The following PDE4D variants were observed in gnomAD, a reference collection of about 807,000 sequenced individuals.
The protein encoded by PDE4D is phosphodiesterase 4D.
In PDE4D, 24 loss-of-function variants were observed where a neutral mutation model predicts 87.4. The ratio of observed to expected loss-of-function variants is 0.27; its 90% CI spans 0.20 to 0.39. The LOEUF (loss-of-function observed/expected upper bound fraction) is 0.39, where lower values mean the gene tolerates loss of function less well. PDE4D is among the 10% of genes least tolerant of loss of function. The probability of loss-of-function intolerance (pLI) is 1.00; values close to 1 mark genes in which losing one functional copy is unlikely to be tolerated. For missense variants in PDE4D, 714 were observed against 1,041.0 expected, an observed-to-expected ratio of 0.69 and a Z score of 4.32; for synonymous variants, 384 against 383.2, an observed-to-expected ratio of 1.00 and a Z score of -0.02.
rs34296140 is a variant in PDE4D, at chr5:59,423,815, C to CTT, written c.456-207849_456-207848dup. ...AGATCATGATGGCTGGGAATGTAACCTTTTTTTTTTTTTTTGGTAGCCACT... is the reference window on the plus strand; with the variant it reads ...AGATCATGATGGCTGGGAATGTAACCTTTTTTTTTTTTTTTTTGGTAGCCACT... On this transcript the variant is annotated intron_variant, in intron 1 of 14. Transcript: ENST00000340635. Among the ~76,000 whole-genome samples, 88 of 142,408 alleles carry CTT rather than the reference C, an allele frequency of 6.2e-4. 1 individual carries two copies. Among genetic ancestry groups the CTT allele is most frequent in the East Asian group, 1.8e-3 (9 of 4,898 alleles). 93.4% of individuals were successfully genotyped at this position (142,408 alleles called of 152,430 possible).
At chr5:59,222,284 T>A (rs1264574988) in intron 1 of PDE4D, among the ~76,000 whole-genome samples, 1 of 152,196 alleles carries the variant, frequency 6.6e-6, no homozygotes, top group African/African-American at 2.4e-5. Context: ...TCATTTCTCA[T>A]CTTTTTGGCC....
At chr5:59,070,725 C>T (rs1265613634) in intron 5 of PDE4D, among the ~76,000 whole-genome samples, 2 of 152,022 alleles carry the variant, frequency 1.3e-5, no homozygotes, top group Non-Finnish European at 2.9e-5. Flanking sequence ...TCTTTGTTCC[C>T]TTAGATGTCC....
At chr5:60,447,704 C>T (rs1745756485) in intron 1 of PDE4D, among the ~76,000 whole-genome samples, 1 of 152,034 alleles carries the variant, frequency 6.6e-6, no homozygotes, top group South Asian at 2.1e-4. Flanking sequence ...AAATATTTGC[C>T]ACTCTGTTTT....
intron 1 of PDE4D, among the ~76,000 whole-genome samples, chr5:59,455,613 C>T (rs571679823): frequency 4.6e-5 from 7 of 152,322 alleles, no homozygotes; most frequent in African/African-American, 1.7e-4. Flanking sequence ...AGGGCACTGT[C>T]TAGTGGAGCT....
At chr5:60,297,445 T>C (rs4640751) in intron 1 of PDE4D, among the ~76,000 whole-genome samples, 12,643 of 152,176 alleles carry the variant, frequency 0.083, 1,741 homozygotes, top group African/African-American at 0.29. Context: ...ACTCTGAAAT[T>C]TAAAGGGTTT....
intron 1 of PDE4D, among the ~76,000 whole-genome samples, chr5:59,781,570 G>C (rs1764626944): frequency 6.6e-6 from 1 of 151,776 alleles, no homozygotes; most frequent in Non-Finnish European, 1.5e-5. Context: ...GGTGGATTAC[G>C]AGGTCAGGAA....
At chr5:60,341,730 A>G (rs1758336540) in intron 1 of PDE4D, among the ~76,000 whole-genome samples, 1 of 152,146 alleles carries the variant, frequency 6.6e-6, no homozygotes, top group Admixed American at 6.6e-5. Flanking sequence ...GGCACCATCC[A>G]AGGCCAAAAT....
chr5:60,029,779 G>A, intron 2 of PDE4D, among the ~76,000 whole-genome samples: 1 of 152,168 alleles, frequency 6.6e-6, no homozygotes, highest in South Asian at 2.1e-4. Context: ...GCAGACTGAA[G>A]GTGATTGTTG....
intron 1 of PDE4D, among the ~76,000 whole-genome samples, chr5:60,354,819 T>C (rs1389166087): frequency 6.6e-6 from 1 of 152,166 alleles, no homozygotes; most frequent in East Asian, 1.9e-4. Flanking sequence ...TTTCATTCTG[T>C]TGGACACTGA....
intron 6 of PDE4D, among the ~76,000 whole-genome samples, chr5:59,031,912 A>T (rs1757614131): frequency 6.6e-6 from 1 of 152,044 alleles, no homozygotes; most frequent in Non-Finnish European, 1.5e-5. Context: ...AGAGAGTAGA[A>T]AGGTGGGTTA....
intron 5 of PDE4D, among the ~76,000 whole-genome samples, chr5:59,074,596 A>G (rs1765380446): frequency 6.6e-6 from 1 of 152,076 alleles, no homozygotes; most frequent in African/African-American, 2.4e-5. Flanking sequence ...CATCTCTACT[A>G]AAATACGAAA....
intron 2 of PDE4D, among the ~76,000 whole-genome samples, chr5:60,076,467 A>C (rs996461613): frequency 9.2e-5 from 14 of 152,054 alleles, no homozygotes; most frequent in African/African-American, 3.4e-4. Context: ...CTGTTCCTCC[A>C]ATCTTTGAAA....
chr5:59,893,742 G>A, upstream of PDE4D: 1 of 1,362,534 alleles, frequency 7.3e-7, no homozygotes, highest in Non-Finnish European at 9.4e-7. Context: ...AGCAGAGGCT[G>A]GTGCTTAGCT....
chr5:59,084,999 A>G (rs1459660771), intron 5 of PDE4D, among the ~76,000 whole-genome samples: 1 of 152,172 alleles, frequency 6.6e-6, no homozygotes, highest in Non-Finnish European at 1.5e-5. Context: ...ATATGACAAT[A>G]ATAGCAAAAA....
intron 1 of PDE4D, among the ~76,000 whole-genome samples, chr5:59,552,261 T>G (rs1818245944): frequency 6.6e-6 from 1 of 152,170 alleles, no homozygotes; most frequent in African/African-American, 2.4e-5. Context: ...TCTAACTGAT[T>G]ATTACTTTCT....
At chr5:59,321,156 C>T (rs904683550) in intron 1 of PDE4D, among the ~76,000 whole-genome samples, 15 of 152,002 alleles carry the variant, frequency 9.9e-5, no homozygotes, top group African/African-American at 3.6e-4. Context: ...TTCATTCTCT[C>T]AGTCTGATTT....
intron 1 of PDE4D, among the ~76,000 whole-genome samples, chr5:60,508,728 C>T (rs1164511554): frequency 6.6e-6 from 1 of 152,174 alleles, no homozygotes; most frequent in Non-Finnish European, 1.5e-5. Context: ...CTAATCAATA[C>T]ATAACTTTGT....
At chr5:59,623,652 C>T (rs947763076) in intron 1 of PDE4D, among the ~76,000 whole-genome samples, 1 of 152,144 alleles carries the variant, frequency 6.6e-6, no homozygotes, top group African/African-American at 2.4e-5. Context: ...CAATTCCTGA[C>T]CTTTTATAAA....
chr5:59,732,527 T>C (rs1330191210), intron 1 of PDE4D, among the ~76,000 whole-genome samples: 1 of 151,958 alleles, frequency 6.6e-6, no homozygotes, highest in African/African-American at 2.4e-5. Flanking sequence ...TTTTGGCTCA[T>C]TGAACTAAAT....
Sources: allele counts gnomAD v4.1 joint callset (sites outside exome capture counted in the v4.1 genomes callset), GRCh38; gene constraint gnomAD v4.1.1; transcripts MANE v1.5; gene names NCBI Gene and HGNC (gene_info 2026-07-23, HGNC 2026-07-21).